Variants in CAPN2 observed in about 807,000 individuals in gnomAD.
CAPN2 encodes calpain 2.
Under a neutral mutation model 102.3 loss-of-function variants are expected in CAPN2, and 92 were observed. That is an observed-to-expected ratio of 0.90 (90% CI 0.76 to 1.07). CAPN2 has a LOEUF of 1.07. Ranked by LOEUF, CAPN2 falls within the 50% of genes least tolerant of loss-of-function variation. The probability of loss-of-function intolerance (pLI) is 0.00; values close to 1 mark genes in which losing one functional copy is unlikely to be tolerated. For synonymous variants in CAPN2, 340 were observed against 355.4 expected, an observed-to-expected ratio of 0.96 and a Z score of 0.49; for missense variants, 800 against 909.4, an observed-to-expected ratio of 0.88 and a Z score of 1.55.
intron 2 of CAPN2, 87 bp downstream of exon 2, chr1:223,717,918 C>A: frequency 1.0e-6 from 1 of 988,080 alleles, no homozygotes; most frequent in Non-Finnish European, 1.6e-6. Flanking sequence ...GGCTTCTCTC[C>A]CTTCCCAAGC....
chr1:223,765,773 C>T (rs925482999), intron 15 of CAPN2, among the ~76,000 whole-genome samples: 16 of 152,180 alleles, frequency 1.1e-4, no homozygotes. Flanking sequence ...CTTTCGGGGA[C>T]ATAACAAAAA....
rs1314308766 is a variant in CAPN2, at chr1:223,731,760, G to A, written c.308-12340G>A. On this transcript the variant is annotated intron_variant, in intron 2 of 20. Coordinates refer to ENST00000295006, the MANE Select transcript of CAPN2 (RefSeq NM_001748.5). The surrounding 1 kb of genome is among the most constrained non-coding windows in gnomAD (Gnocchi z 4.2). Reference sequence around the variant, plus strand: ...AGGCACGGCAAGCTGGGCCCCAGGCGAGAAGCATGGAGTGAGGGATGTGGA... The same window carrying A: ...AGGCACGGCAAGCTGGGCCCCAGGCAAGAAGCATGGAGTGAGGGATGTGGA... Among the ~76,000 whole-genome samples, 1 of 152,220 alleles carries A rather than the reference G, an allele frequency of 6.6e-6. No homozygotes were observed. Among genetic ancestry groups the A allele is most frequent in the African/African-American group, 2.4e-5 (1 of 41,460 alleles).
intron 11 of CAPN2, chr1:223,757,700 C>G: frequency 4.6e-6 from 2 of 438,584 alleles, no homozygotes; most frequent in Non-Finnish European, 8.2e-6. Context: ...CTTTGTCACT[C>G]TTAGGAGAAG....
At chr1:223,710,698 C>G (rs1023628516), upstream of CAPN2, among the ~76,000 whole-genome samples, 3 of 152,198 alleles carry the variant, frequency 2.0e-5, no homozygotes, top group East Asian at 5.8e-4. Context: ...TCCACAACCT[C>G]TTATCGCAAC....
chr1:223,702,360 G>T (rs1659504596), intron 1 of CAPN2, among the ~76,000 whole-genome samples: 1 of 152,034 alleles, frequency 6.6e-6, no homozygotes, highest in Non-Finnish European at 1.5e-5. Flanking sequence ...CTGGAAGGTA[G>T]AGGTTGCGGT....
intron 2 of CAPN2, among the ~76,000 whole-genome samples, chr1:223,742,746 C>CCTGT (rs1325896139): frequency 6.6e-6 from 1 of 152,086 alleles, no homozygotes; most frequent in African/African-American, 2.4e-5. Flanking sequence ...GTGTCGAGCT[C>CCTGT]CTGTGCTCAA....
intron 1 of CAPN2, among the ~76,000 whole-genome samples, chr1:223,714,866 T>C (rs1332910283): frequency 1.3e-5 from 2 of 152,200 alleles, no homozygotes; most frequent in African/African-American, 4.8e-5. Flanking sequence ...TGGAAATGCC[T>C]GTGGGACTTC....
chr1:223,732,163 G>A (rs1660354431), intron 2 of CAPN2, among the ~76,000 whole-genome samples: 1 of 152,126 alleles, frequency 6.6e-6, no homozygotes, highest in South Asian at 2.1e-4. Context: ...TCATAAACAT[G>A]CCTCTCCATA....
At chr1:223,752,099 G>T (rs774639693) in intron 8 of CAPN2, 28 bp downstream of exon 8, 2 of 1,480,308 alleles carry the variant, frequency 1.4e-6, no homozygotes, top group Non-Finnish European at 1.9e-6. Context: ...TTCAGGGAAA[G>T]CTCTGTCTGC....
chr1:223,742,081 A>G (rs541252690), intron 2 of CAPN2, among the ~76,000 whole-genome samples: 24 of 152,218 alleles, frequency 1.6e-4, no homozygotes, highest in Non-Finnish European at 2.9e-4. Flanking sequence ...TAAGTCATCG[A>G]CTAGAATTCA....
chr1:223,740,365 A>G (rs543827235), intron 2 of CAPN2, among the ~76,000 whole-genome samples: 2 of 152,360 alleles, frequency 1.3e-5, no homozygotes, highest in African/African-American at 4.8e-5. Flanking sequence ...TTTTGCCACG[A>G]GAGTACACCA....
chr1:223,703,607 C>T (rs1659533706), intron 1 of CAPN2, among the ~76,000 whole-genome samples: 1 of 152,224 alleles, frequency 6.6e-6, no homozygotes, highest in African/African-American at 2.4e-5. Flanking sequence ...ATGGATCCTC[C>T]TACCACACCG....
At chr1:223,703,228 C>T (rs964826510) in intron 1 of CAPN2, among the ~76,000 whole-genome samples, 2 of 152,188 alleles carry the variant, frequency 1.3e-5, no homozygotes, top group Non-Finnish European at 2.9e-5. Flanking sequence ...TCAGTTTTCT[C>T]ATCTGTAAAC....
rs748388778 is a variant in CAPN2 at position 223,772,277 on chromosome 1, G to C, written c.2079+38G>C. ...GCCCCGCCTTGCTTCTAAGGGGATG[G>C]GGGAGGCATGGGGCGGAAAGGGCTG... On this transcript the variant is annotated intron_variant, in intron 20 of 20. Transcript: ENST00000295006. The C allele has an allele frequency of 6.4e-6, 10 of 1,566,028 alleles. No individual in the cohort carries two copies. The East Asian group carries it at 1.8e-4, about 28-fold the overall frequency.
chr1:223,755,727 G>A lies in CAPN2; in HGVS notation c.1305+78G>A. On this transcript the variant is annotated intron_variant, in intron 10 of 20. Transcript: ENST00000295006. The surrounding 1 kb of genome is among the most constrained non-coding windows in gnomAD (Gnocchi z 4.1). ...CCTGCATGGAAAGCTGACCCCAGAGGCAGAACTGGGGATGGGATCCCAGAC... is the reference window on the plus strand; with the variant it reads ...CCTGCATGGAAAGCTGACCCCAGAGACAGAACTGGGGATGGGATCCCAGAC... 1 of 1,344,954 alleles carries A rather than the reference G, an allele frequency of 7.4e-7. No individual in the cohort carries two copies. Among genetic ancestry groups the A allele is most frequent in the Non-Finnish European group, 1.0e-6 (1 of 1,000,252 alleles). 83.3% of individuals were successfully genotyped at this position (1,344,954 alleles called of 1,614,324 possible). A position where few individuals can be genotyped will look rare whatever the true frequency, so the allele number is the denominator to read the frequency against.
intron 2 of CAPN2, among the ~76,000 whole-genome samples, chr1:223,724,615 C>T (rs1161334398): frequency 2.6e-5 from 4 of 152,226 alleles, no homozygotes; most frequent in African/African-American, 7.2e-5. Context: ...GGAATCCAGC[C>T]TCTCAGCCTT....
At chr1:223,766,558 TCGGACAGTCAGCAG>T in intron 16 of CAPN2, 127 bp downstream of exon 16, 1 of 755,464 alleles carries the variant, frequency 1.3e-6, no homozygotes, top group Non-Finnish European at 2.3e-6. Flanking sequence ...TGAGTTGCTG[TCGGACAGTCAGCAG>T]CGCTGACCTC....
chr1:223,731,706 T>G lies in CAPN2; in HGVS notation c.308-12394T>G, dbSNP rs78688591. Among the ~76,000 whole-genome samples the G allele has an allele frequency of 6.6e-6, 1 of 151,968 alleles. No individual in the cohort carries two copies. The highest frequency in any genetic ancestry group is 1.5e-5 in the Non-Finnish European group (1 of 67,990). On this transcript the variant is annotated intron_variant, in intron 2 of 20. Coordinates refer to ENST00000295006, the MANE Select transcript of CAPN2 (RefSeq NM_001748.5). This position sits in a 1 kb window ranked among gnomAD's most constrained non-coding sequence, Gnocchi z 4.2. ...GGGGAAAGAGACATGTCCTCCAGAG[T>G]TGACTTACGCGAGGACAGAGGTGTG...
intron 1 of CAPN2, among the ~76,000 whole-genome samples, chr1:223,706,443 TCTC>T (rs758062516): frequency 1.6e-4 from 24 of 152,290 alleles, no homozygotes; most frequent in Non-Finnish European, 3.4e-4. Context: ...TTCTCTGTGA[TCTC>T]CTTTGGATTC....
Sources: gnomAD v4.1 joint callset for allele counts (sites outside exome capture counted in the v4.1 genomes callset) on GRCh38, gnomAD v4.1.1 for gene constraint, Gnocchi (gnomAD v3.1) non-coding constraint, MANE v1.5 for transcripts, NCBI Gene and HGNC (gene_info 2026-07-23, HGNC 2026-07-21) for gene names.